The following VMP1 variants were observed in gnomAD, a reference collection of about 807,000 sequenced individuals.
The protein encoded by VMP1 is vacuole membrane protein 1, also known as ectopic P-granules autophagy protein 3 homolog.
Under a neutral mutation model 56.0 loss-of-function variants are expected in VMP1, and 11 were observed. That is an observed-to-expected ratio of 0.20 (90% CI 0.12 to 0.32). The LOEUF (loss-of-function observed/expected upper bound fraction) is 0.32. Among genes scored for constraint, VMP1 ranks in the 10% least tolerant of loss-of-function variants. The pLI, the probability that VMP1 is intolerant of heterozygous loss-of-function variation, is 1.00. For synonymous variants in VMP1, 149 were observed against 165.0 expected, an observed-to-expected ratio of 0.90 and a Z score of 0.74; for missense variants, 296 against 490.3, an observed-to-expected ratio of 0.60 and a Z score of 3.74.
chr17:59,719,440 A>G (rs956383280), intron 1 of VMP1, among the ~76,000 whole-genome samples: 7 of 152,208 alleles, frequency 4.6e-5, no homozygotes, highest in Admixed American at 1.3e-4. Context: ...TATTGAGCAC[A>G]CTGACATAAT....
At position 59,833,206 on chromosome 17, in the gene VMP1, TG is replaced by T. The variant is rs569489640; in HGVS notation, c.975-5087del. ...TAACTTGACACATGAGATTTAGAGC[TG>T]GCATTATTGTTTGCCTTAAATGCAT... On this transcript the variant is annotated intron_variant, in intron 10 of 11. Transcript: ENST00000262291. Among the ~76,000 whole-genome samples the T allele has an allele frequency of 2.6e-3, 392 of 152,164 alleles. 1 individual carries two copies. Among genetic ancestry groups the T allele is most frequent in the African/African-American group, 8.4e-3 (349 of 41,524 alleles).
intron 10 of VMP1, among the ~76,000 whole-genome samples, chr17:59,820,857 C>T (rs1158273715): frequency 2.6e-5 from 4 of 152,146 alleles, no homozygotes; most frequent in Non-Finnish European, 2.9e-5. Context: ...CTTCTATTTC[C>T]GCAGGCTTTA....
chr17:59,778,075 C>T (rs1271026969), intron 7 of VMP1, among the ~76,000 whole-genome samples: 2 of 152,078 alleles, frequency 1.3e-5, no homozygotes, highest in Non-Finnish European at 2.9e-5. Flanking sequence ...TATGAGATTT[C>T]CCAAGTTTAT....
chr17:59,751,318 C>G (rs978925825), intron 5 of VMP1, among the ~76,000 whole-genome samples: 2 of 152,154 alleles, frequency 1.3e-5, no homozygotes, highest in Non-Finnish European at 2.9e-5. Flanking sequence ...TATTTATTCT[C>G]TCATGTAGCG....
chr17:59,814,230 G>A (rs1272988109), intron 9 of VMP1, among the ~76,000 whole-genome samples: 1 of 152,154 alleles, frequency 6.6e-6, no homozygotes, highest in East Asian at 1.9e-4. Flanking sequence ...GCCCGCCTTG[G>A]CCTCCCAAAG....
chr17:59,763,053 A>G (rs1212246318), intron 5 of VMP1, among the ~76,000 whole-genome samples: 1 of 152,146 alleles, frequency 6.6e-6, no homozygotes, highest in Non-Finnish European at 1.5e-5. Context: ...TGGGGACAGC[A>G]TGGACAAACT....
chr17:59,794,045 C>G (rs1240237025), intron 7 of VMP1, among the ~76,000 whole-genome samples: 8 of 151,326 alleles, frequency 5.3e-5, no homozygotes, highest in African/African-American at 9.7e-5. Context: ...CCCAGCCTCC[C>G]GAGTAGCTGG....
chr17:59,747,416 T>TC (rs936450341), intron 5 of VMP1, among the ~76,000 whole-genome samples: 13 of 149,558 alleles, frequency 8.7e-5, no homozygotes, highest in African/African-American at 2.4e-4. Context: ...TTTCTTTCTT[T>TC]TTTTTTTTTT....
chr17:59,719,385 C>T (rs2034304938), intron 1 of VMP1, among the ~76,000 whole-genome samples: 1 of 152,002 alleles, frequency 6.6e-6, no homozygotes, highest in Non-Finnish European at 1.5e-5. Context: ...AAGCATAATA[C>T]TTATTGGCTA....
At chr17:59,783,053 G>T (rs867886032) in intron 7 of VMP1, among the ~76,000 whole-genome samples, 1 of 152,012 alleles carries the variant, frequency 6.6e-6, no homozygotes, top group African/African-American at 2.4e-5. Flanking sequence ...AAAGTTAGCC[G>T]GGCGTGGTGG....
rs189969575 is a variant in VMP1, at chr17:59,792,559, T to A, written c.715-16237T>A. 6.6e-5 allele frequency among the ~76,000 whole-genome samples: 10 copies of A among 152,194 alleles called. 1 individual carries two copies. The highest frequency in any genetic ancestry group is 5.9e-4 in the Admixed American group (9 of 15,268). On this transcript the variant is annotated intron_variant, in intron 7 of 11. Coordinates refer to ENST00000262291, the MANE Select transcript of VMP1 (RefSeq NM_030938.5). The stretch of plus-strand genomic sequence containing the variant: ...ATCTACTGATTTTTTTTATTTCAGT[T>A]TGATCTAAATAATTATCAGATGAGG...
intron 5 of VMP1, among the ~76,000 whole-genome samples, chr17:59,745,511 A>G (rs2035391146): frequency 6.6e-6 from 1 of 152,220 alleles, no homozygotes; most frequent in Admixed American, 6.5e-5. Context: ...AATTTCAAAT[A>G]ATCTCTGGTT....
At chr17:59,760,284 A>G (rs2036003676) in intron 5 of VMP1, among the ~76,000 whole-genome samples, 1 of 152,180 alleles carries the variant, frequency 6.6e-6, no homozygotes. Context: ...TTTATAATTT[A>G]TGCTTTAGTT....
chr17:59,764,147 C>T (rs546760592), intron 5 of VMP1, among the ~76,000 whole-genome samples: 4 of 151,882 alleles, frequency 2.6e-5, no homozygotes, highest in African/African-American at 9.7e-5. Context: ...TAAGTAAGGA[C>T]GTAAAGTGAT....
chr17:59,710,006 G>C (rs148576151), intron 1 of VMP1, among the ~76,000 whole-genome samples: 2,174 of 152,118 alleles, frequency 0.014, 45 homozygotes, highest in African/African-American at 0.049. Flanking sequence ...GACAATCCTG[G>C]CTAATACAGT....
At chr17:59,784,142 T>TGAGAGA (rs1555621322) in intron 7 of VMP1, among the ~76,000 whole-genome samples, 60 of 130,462 alleles carry the variant, frequency 4.6e-4, no homozygotes, top group African/African-American at 1.4e-3. Context: ...TGTGTGTGTG[T>TGAGAGA]GAGAGAGAGA....
intron 5 of VMP1, among the ~76,000 whole-genome samples, chr17:59,745,372 TTTAA>T (rs1265088545): frequency 1.3e-5 from 2 of 152,166 alleles, no homozygotes; most frequent in Non-Finnish European, 2.9e-5. Flanking sequence ...GTGTAAAAAT[TTTAA>T]TTAATAAGCG....
In VMP1 at chr17:59,772,950, CTTTTTTTTTTTTTTTTTTTTTTT is replaced by C. The variant is rs1179269248; in HGVS notation, c.583-796_583-774del. Among the ~76,000 whole-genome samples the C allele has an allele frequency of 1.3e-4, 7 of 55,718 alleles. No homozygotes were observed. The East Asian group carries it at 3.6e-3, about 28-fold the overall frequency. The allele number at this position is 55,718 out of a possible 152,430, so 36.6% of individuals were successfully genotyped here. On this transcript the variant is annotated intron_variant, in intron 6 of 11. Transcript: ENST00000262291. ...TATCTAACACATATACTGGTGAATT[CTTTTTTTTTTTTTTTTTTTTTTT>C]TTTTTTTGAGACAGAGTCTTGCTCT...
At chr17:59,714,221 T>C (rs1197279182) in intron 1 of VMP1, among the ~76,000 whole-genome samples, 1 of 152,114 alleles carries the variant, frequency 6.6e-6, no homozygotes. Context: ...CTGGAGGGAC[T>C]CTGCAGAGTG....
Sources: gnomAD v4.1 joint callset for allele counts (sites outside exome capture counted in the v4.1 genomes callset) on GRCh38, gnomAD v4.1.1 for gene constraint, MANE v1.5 for transcripts, NCBI Gene and HGNC (gene_info 2026-07-23, HGNC 2026-07-21) for gene names.